GRIK4: variants seen among roughly 807,000 people sequenced by gnomAD.
The protein encoded by GRIK4 is glutamate receptor ionotropic, kainate 4.
In GRIK4, 40 loss-of-function variants were observed where a neutral mutation model predicts 104.9. That is an observed-to-expected ratio of 0.38 (90% CI 0.30 to 0.50). GRIK4 has a LOEUF of 0.50. Ranked by LOEUF, GRIK4 falls within the 20% of genes least tolerant of loss-of-function variation. GRIK4 has a pLI of 0.93. For synonymous variants in GRIK4, 485 were observed against 524.9 expected, an observed-to-expected ratio of 0.92 and a Z score of 1.04; for missense variants, 1,047 against 1,308.1, an observed-to-expected ratio of 0.80 and a Z score of 3.08.
chr11:120,783,846 G>GAA (rs975513409), intron 3 of GRIK4, among the ~76,000 whole-genome samples: 1 of 152,218 alleles, frequency 6.6e-6, no homozygotes, highest in African/African-American at 2.4e-5. Flanking sequence ...TAGTGTCCAG[G>GAA]AAAAAAACGA....
chr11:120,596,616 GTC>G (rs1948804743), intron 1 of GRIK4, among the ~76,000 whole-genome samples: 1 of 152,170 alleles, frequency 6.6e-6, no homozygotes, highest in South Asian at 2.1e-4. Context: ...CTAAGCCTCT[GTC>G]TCTCTATAAA....
intron 1 of GRIK4, among the ~76,000 whole-genome samples, chr11:120,572,377 T>C (rs1948412448): frequency 6.6e-6 from 1 of 152,176 alleles, no homozygotes; most frequent in African/African-American, 2.4e-5. Context: ...AATTTCCATC[T>C]GAATCGGGCA....
chr11:120,563,875 T>A (rs1262257947), intron 1 of GRIK4, among the ~76,000 whole-genome samples: 1 of 152,180 alleles, frequency 6.6e-6, no homozygotes, highest in Non-Finnish European at 1.5e-5. Context: ...CGGTTGTGCC[T>A]CCACGCCCGC....
chr11:120,699,935 G>A (rs1950523326), intron 3 of GRIK4, among the ~76,000 whole-genome samples: 2 of 152,286 alleles, frequency 1.3e-5, no homozygotes, highest in African/African-American at 4.8e-5. Context: ...AAACCACAGG[G>A]GTTCTTTAGG....
chr11:120,768,129 G>A (rs1951871374), intron 3 of GRIK4, among the ~76,000 whole-genome samples: 2 of 151,438 alleles, frequency 1.3e-5, no homozygotes, highest in Non-Finnish European at 1.5e-5. Context: ...TTAAACCTAT[G>A]TATTGCTTTG....
At chr11:120,666,816 T>C (rs1223988482) in intron 3 of GRIK4, among the ~76,000 whole-genome samples, 1 of 152,194 alleles carries the variant, frequency 6.6e-6, no homozygotes, top group African/African-American at 2.4e-5. Context: ...GAACACCATA[T>C]TGAAAGAGTG....
intron 1 of GRIK4, among the ~76,000 whole-genome samples, chr11:120,522,321 T>TTTTC (rs1179874937): frequency 2.6e-5 from 4 of 152,158 alleles, no homozygotes; most frequent in African/African-American, 7.2e-5. Flanking sequence ...TGGGTCTTTT[T>TTTTC]TTTCTTTCTT....
At position 120,881,845 on chromosome 11, in the gene GRIK4, G is replaced by A. The variant is rs370960528; in HGVS notation, c.1164+6602G>A. ...TTGCTTTGCTGCACTCCTGAGTCAT[G>A]TAAAGGCAGCTGCATTTCTTATCGT... is the stretch of plus-strand genomic sequence containing the variant. On this transcript the variant is annotated intron_variant, in intron 11 of 20. Coordinates refer to ENST00000527524, the MANE Select transcript of GRIK4 (RefSeq NM_014619.5). Among the ~76,000 whole-genome samples the A allele has an allele frequency of 8.1e-4, 123 of 152,288 alleles. 1 individual carries two copies. The South Asian group carries it at 0.025, about 31-fold the overall frequency.
intron 15 of GRIK4, among the ~76,000 whole-genome samples, chr11:120,954,453 T>C (rs984386369): frequency 1.3e-5 from 2 of 151,712 alleles, no homozygotes; most frequent in African/African-American, 4.8e-5. Context: ...GCCACACTGC[T>C]GCCATGTTAG....
At chr11:120,973,781 G>A (rs964840008) in intron 19 of GRIK4, among the ~76,000 whole-genome samples, 8 of 152,238 alleles carry the variant, frequency 5.3e-5, no homozygotes, top group South Asian at 4.1e-4. Flanking sequence ...GCACTAGCCC[G>A]AAACGGGAGG....
intron 3 of GRIK4, among the ~76,000 whole-genome samples, chr11:120,767,944 C>T (rs1951868181): frequency 1.3e-5 from 2 of 151,468 alleles, no homozygotes; most frequent in Non-Finnish European, 2.9e-5. Context: ...GTTTTGATTA[C>T]TACAACTTTG....
At chr11:120,607,652 G>A (rs11820802) in intron 1 of GRIK4, among the ~76,000 whole-genome samples, 3,265 of 152,236 alleles carry the variant, frequency 0.021, 131 homozygotes, top group African/African-American at 0.073. Flanking sequence ...CCAGCAGGAA[G>A]TTGATTGATG....
intron 9 of GRIK4, among the ~76,000 whole-genome samples, chr11:120,866,425 G>A (rs554323800): frequency 5.3e-5 from 8 of 152,150 alleles, no homozygotes; most frequent in Non-Finnish European, 1.2e-4. Context: ...CAGGGGTCCC[G>A]TGCTGACTTG....
chr11:120,665,428 G>A (rs11217948), intron 3 of GRIK4, among the ~76,000 whole-genome samples: 5 of 151,576 alleles, frequency 3.3e-5, no homozygotes, highest in African/African-American at 4.8e-5. Flanking sequence ...CTGTCACCTA[G>A]GGGGGGAATA....
At chr11:120,617,404 G>T (rs73574442) in intron 1 of GRIK4, among the ~76,000 whole-genome samples, 1 of 151,810 alleles carries the variant, frequency 6.6e-6, no homozygotes, top group Non-Finnish European at 1.5e-5. Context: ...TATTGAGGCA[G>T]GATCTAACTC....
chr11:120,939,982 G>GA lies in GRIK4; in HGVS notation c.1477-351dup, dbSNP rs879576274. On this transcript the variant is annotated intron_variant, in intron 13 of 20. Transcript: ENST00000527524. This position sits in a 1 kb window ranked among gnomAD's most constrained non-coding sequence, Gnocchi z 5.6. ...GCGACAGAGGGAGACCCTGTATCCA[G>GA]AAAAAAAAAAAAAAGTATTGAGAAT... is the stretch of plus-strand genomic sequence containing the variant. Among the ~76,000 whole-genome samples, 2,820 of 130,702 alleles carry GA rather than the reference G, an allele frequency of 0.022. 73 individuals carry two copies. Among genetic ancestry groups the GA allele is most frequent in the African/African-American group, 0.065 (2,321 of 35,690 alleles). 85.7% of individuals were successfully genotyped at this position (130,702 alleles called of 152,430 possible).
Position 120,902,547 on chromosome 11 carries a change from C to T in GRIK4, c.1273-2743C>T, listed in dbSNP as rs547659578. On this transcript the variant is annotated intron_variant, in intron 12 of 20. Coordinates refer to ENST00000527524, the MANE Select transcript of GRIK4 (RefSeq NM_014619.5). This position sits in a 1 kb window ranked among gnomAD's most constrained non-coding sequence, Gnocchi z 4.5. ...CTGAGATGGAAACCCCCAGCCATGC[C>T]CTGTCCAGGAAGCCATTTGTTTGCT... 4.5e-3 allele frequency among the ~76,000 whole-genome samples: 688 copies of T among 152,186 alleles called. 3 individuals are homozygous for T. Among genetic ancestry groups the T allele is most frequent in the Middle Eastern group, 0.014 (4 of 294 alleles).
At chr11:120,744,817 C>T (rs984630703) in intron 3 of GRIK4, among the ~76,000 whole-genome samples, 7 of 152,136 alleles carry the variant, frequency 4.6e-5, no homozygotes, top group African/African-American at 9.7e-5. Context: ...GGGAAAAAAT[C>T]GCTTTGCAGT....
chr11:120,603,669 T>C (rs186250824), intron 1 of GRIK4, among the ~76,000 whole-genome samples: 1 of 152,200 alleles, frequency 6.6e-6, no homozygotes, highest in East Asian at 1.9e-4. Flanking sequence ...GCCCAGGGCT[T>C]GGGTTCAAAG....
Sources: allele counts gnomAD v4.1 joint callset (sites outside exome capture counted in the v4.1 genomes callset), GRCh38; gene constraint gnomAD v4.1.1; non-coding constraint Gnocchi (gnomAD v3.1); transcripts MANE v1.5; gene names NCBI Gene and HGNC (gene_info 2026-07-23, HGNC 2026-07-21).